ALCAM: variants seen among roughly 807,000 people sequenced by gnomAD.
The protein encoded by ALCAM is CD166 antigen.
In ALCAM, 30 loss-of-function variants were observed where a neutral mutation model predicts 70.9. The ratio of observed to expected loss-of-function variants is 0.42; its 90% CI spans 0.32 to 0.57. The LOEUF (loss-of-function observed/expected upper bound fraction) is 0.57. Among genes scored for constraint, ALCAM ranks in the 20% least tolerant of loss-of-function variants. The probability of loss-of-function intolerance (pLI) is 0.11; values close to 1 mark genes in which losing one functional copy is unlikely to be tolerated. For missense variants in ALCAM, 591 were observed against 695.1 expected (o/e 0.85, Z 1.68); for synonymous variants, 249 against 242.5 (o/e 1.03, Z -0.25).
intron 4 of ALCAM, among the ~76,000 whole-genome samples, chr3:105,532,745 G>A (rs768211140): frequency 5.3e-5 from 8 of 152,166 alleles, no homozygotes; most frequent in Admixed American, 2.0e-4. Flanking sequence ...TTTTGGCATT[G>A]ATGAAACTGG....
intron 14 of ALCAM, among the ~76,000 whole-genome samples, chr3:105,565,661 T>G (rs1940728016): frequency 6.6e-6 from 1 of 152,180 alleles, no homozygotes; most frequent in African/African-American, 2.4e-5. Context: ...GTTTAGTAAT[T>G]TTTGTTTGGA....
At chr3:105,471,986 T>C (rs1937945216) in intron 1 of ALCAM, among the ~76,000 whole-genome samples, 3 of 151,588 alleles carry the variant, frequency 2.0e-5, no homozygotes, top group Middle Eastern at 3.4e-3. Flanking sequence ...ACCACCATTC[T>C]ACCGTCTATT....
At chr3:105,436,365 C>T (rs112158087) in intron 1 of ALCAM, among the ~76,000 whole-genome samples, 22,746 of 152,086 alleles carry the variant, frequency 0.15, 1,808 homozygotes, top group Middle Eastern at 0.19. Flanking sequence ...ATTTTTGAGA[C>T]GGAGTCTCAC....
At chr3:105,439,772 C>T (rs1488419757) in intron 1 of ALCAM, among the ~76,000 whole-genome samples, 2 of 152,094 alleles carry the variant, frequency 1.3e-5, no homozygotes, top group African/African-American at 2.4e-5. Flanking sequence ...CTTCTGTGGC[C>T]TATTTATATT....
chr3:105,454,786 A>T (rs1937512479), intron 1 of ALCAM, among the ~76,000 whole-genome samples: 1 of 145,734 alleles, frequency 6.9e-6, no homozygotes, highest in African/African-American at 2.6e-5. Context: ...GTCGTGCCTC[A>T]GCCTCCCAAG....
intron 11 of ALCAM, among the ~76,000 whole-genome samples, chr3:105,547,944 G>C (rs1940291941): frequency 6.6e-6 from 1 of 151,200 alleles, no homozygotes; most frequent in East Asian, 1.9e-4. Context: ...CACATTAAGG[G>C]GTGTTACTTC....
At chr3:105,574,294 A>G (rs1025807068) in intron 15 of ALCAM, among the ~76,000 whole-genome samples, 183 bp from the exon 16 acceptor site, 1 of 152,168 alleles carries the variant, frequency 6.6e-6, no homozygotes, top group African/African-American at 2.4e-5. Context: ...AATAATTCCA[A>G]AAACTATTTG....
chr3:105,383,114 G>A (rs1935568354), intron 1 of ALCAM, among the ~76,000 whole-genome samples: 1 of 151,638 alleles, frequency 6.6e-6, no homozygotes, highest in African/African-American at 2.4e-5. Flanking sequence ...TTCTTTGCCT[G>A]AATAACGTGT....
intron 14 of ALCAM, among the ~76,000 whole-genome samples, chr3:105,558,048 CCTT>C (rs1419380745): frequency 9.2e-5 from 14 of 152,034 alleles, no homozygotes; most frequent in African/African-American, 3.1e-4. Context: ...AGGGGAGACT[CCTT>C]CTACTGAGCT....
intron 1 of ALCAM, among the ~76,000 whole-genome samples, chr3:105,394,940 T>C (rs530192120): frequency 6.6e-6 from 1 of 151,972 alleles, no homozygotes; most frequent in Non-Finnish European, 1.5e-5. Flanking sequence ...TTTCTACTAA[T>C]GTGGAAAGTA....
At chr3:105,548,773 A>T (rs1940315907) in intron 11 of ALCAM, among the ~76,000 whole-genome samples, 1 of 151,460 alleles carries the variant, frequency 6.6e-6, no homozygotes, top group Non-Finnish European at 1.5e-5. Flanking sequence ...AGTTTTCTTG[A>T]TTTGGAATAA....
Position 105,564,003 on chromosome 3 carries a change from C to A in ALCAM, c.1665-7849C>A, listed in dbSNP as rs139729728. The stretch of plus-strand genomic sequence containing the variant: ...CGCCCGGCCCATTTCTTATTTAATT[C>A]TTTTTTGTCAACACAACCTACTACA... On this transcript the variant is annotated intron_variant, in intron 14 of 15. Coordinates refer to ENST00000306107, the MANE Select transcript of ALCAM (RefSeq NM_001627.4). 1.1e-3 allele frequency among the ~76,000 whole-genome samples: 169 copies of A among 151,896 alleles called. 5 individuals are homozygous for A. The East Asian group carries it at 0.032, about 29-fold the overall frequency.
intron 1 of ALCAM, among the ~76,000 whole-genome samples, chr3:105,431,874 T>C (rs973081911): frequency 5.3e-5 from 8 of 152,182 alleles, no homozygotes; most frequent in East Asian, 1.9e-4. Context: ...AAAAGTATGA[T>C]AGTAATTTAC....
chr3:105,541,173 C>G (rs1940105684), intron 7 of ALCAM, among the ~76,000 whole-genome samples: 2 of 148,044 alleles, frequency 1.4e-5, no homozygotes, highest in Non-Finnish European at 3.0e-5. Context: ...TTTCCCCTTT[C>G]TTTCTTTCTC....
intron 1 of ALCAM, among the ~76,000 whole-genome samples, chr3:105,395,923 A>G (rs1470121523): frequency 1.3e-5 from 2 of 151,974 alleles, no homozygotes; most frequent in Non-Finnish European, 2.9e-5. Context: ...TTTAATAAAC[A>G]TAGTTTGCCT....
At chr3:105,507,631 T>G (rs2152618618) in intron 1 of ALCAM, among the ~76,000 whole-genome samples, 2 of 152,326 alleles carry the variant, frequency 1.3e-5, no homozygotes, top group South Asian at 4.1e-4. Context: ...AAATAATATT[T>G]CATTGTCTGG....
At chr3:105,571,235 T>A (rs1006364032) in intron 14 of ALCAM, among the ~76,000 whole-genome samples, 3 of 152,264 alleles carry the variant, frequency 2.0e-5, no homozygotes, top group Middle Eastern at 3.4e-3. Flanking sequence ...GCCCGAGAAT[T>A]TGCATTTCTT....
chr3:105,443,805 T>C (rs1046204242), intron 1 of ALCAM, among the ~76,000 whole-genome samples: 2 of 152,218 alleles, frequency 1.3e-5, no homozygotes, highest in African/African-American at 4.8e-5. Flanking sequence ...TTCAAAACTC[T>C]CTTACTTTTA....
In ALCAM at chr3:105,541,663, A is replaced by G; in HGVS notation, c.889A>G (p.Thr297Ala). 5 of 1,612,024 alleles carry G rather than the reference A, an allele frequency of 3.1e-6. No homozygotes were observed. Among genetic ancestry groups the G allele is most frequent in the Non-Finnish European group, 4.2e-6 (5 of 1,178,716 alleles). The stretch of plus-strand genomic sequence containing the variant: ...GCCCGAAGGAATAAGAAGCTCAAAT[A>G]CTTACACACTGACGGATGTGAGGCG... ...GQPEGIRSSN[T>A]YTLTDVRRNA... The change falls in exon 8 of 16, where the codon ACT (threonine) becomes GCT (alanine). Residue 297 changes from threonine to alanine, a missense_variant. Around this residue, in one of 2 missense-constraint regions of ALCAM, gnomAD observed 427 missense variants for 450.4 expected, o/e 0.95. Coordinates refer to ENST00000306107, the MANE Select transcript of ALCAM (RefSeq NM_001627.4).
Sources: gnomAD v4.1 joint callset for allele counts (sites outside exome capture counted in the v4.1 genomes callset) on GRCh38, gnomAD v4.1.1 for gene constraint, gnomAD v4.1.1 regional missense constraint, MANE v1.5 for transcripts, NCBI Gene and HGNC (gene_info 2026-07-23, HGNC 2026-07-21) for gene names.